The following DZANK1 variants were observed in gnomAD, a reference collection of about 807,000 sequenced individuals.
DZANK1 encodes the protein double zinc ribbon and ankyrin repeat-containing protein 1.
DZANK1 carries 91 observed loss-of-function variants against 94.5 expected under a neutral mutation model. The ratio of observed to expected loss-of-function variants is 0.96; its 90% CI spans 0.81 to 1.15. DZANK1 has a LOEUF of 1.15. Among genes scored for constraint, DZANK1 ranks in the 50% most tolerant of loss-of-function variants. The pLI is 0.00. For synonymous variants in DZANK1, 312 were observed against 325.3 expected (o/e 0.96, Z 0.44); for missense variants, 903 against 916.4 (o/e 0.99, Z 0.19).
rs2058389539 is a variant in DZANK1, at chr20:18,433,819, T to C, written c.748-54A>G. The C allele has an allele frequency of 4.1e-6, 6 of 1,466,346 alleles. No homozygotes were observed. In the Admixed American group the frequency reaches 5.2e-5, roughly 13 times the overall value. The allele number at this position is 1,466,346 out of a possible 1,614,324, so 90.8% of individuals were successfully genotyped here. A position where few individuals can be genotyped will look rare whatever the true frequency, so the allele number is the denominator to read the frequency against. On this transcript the variant is annotated intron_variant, in intron 8 of 20. Transcript: ENST00000262547. Reference sequence around the variant, plus strand: ...TGCACATAAAAACTGAAGGTATGAATAGATCTTAGAATGTAAGGTTTGGTC... The same window carrying C: ...TGCACATAAAAACTGAAGGTATGAACAGATCTTAGAATGTAAGGTTTGGTC...
intron 6 of DZANK1, 145 bp from the exon 7 acceptor site, chr20:18,449,214 CTA>C: frequency 1.5e-6 from 1 of 672,860 alleles, no homozygotes; most frequent in South Asian, 2.0e-5. Flanking sequence ...ACTATAGACT[CTA>C]AAAGTGGGAA....
exon 21 of DZANK1, chr20:18,384,231 G>C (rs1203639591): frequency 1.7e-6 from 1 of 605,172 alleles, no homozygotes; most frequent in Non-Finnish European, 2.7e-6. Context: ...GACTAATTTT[G>C]TATTTTTAGT....
intron 7 of DZANK1, among the ~76,000 whole-genome samples, chr20:18,445,962 G>C (rs981150739): frequency 2.0e-5 from 3 of 150,562 alleles, no homozygotes; most frequent in Admixed American, 1.3e-4. Context: ...ACGGGGTTTT[G>C]CCATGTTGGC....
At chr20:18,390,430 G>A (rs938455194) in exon 18 of DZANK1, 8 of 1,613,878 alleles carry the variant, frequency 5.0e-6, no homozygotes, top group Middle Eastern at 1.6e-4. Flanking sequence ...CCGTGGGTCC[G>A]ACTTCCTTCA....
chr20:18,412,951 T>C, intron 12 of DZANK1, 98 bp from the exon 13 acceptor site: 2 of 1,155,756 alleles, frequency 1.7e-6, no homozygotes, highest in Non-Finnish European at 1.2e-6. Context: ...ATAAAAAGTA[T>C]CTCAAGAAAA....
chr20:18,421,107 A>C (rs1455568968), intron 10 of DZANK1: 1 of 155,850 alleles, frequency 6.4e-6, no homozygotes, highest in Non-Finnish European at 1.4e-5. Context: ...CTTCCTTCTT[A>C]AGGGGTTCTA....
chr20:18,414,812 G>A (rs1437110821), intron 11 of DZANK1, among the ~76,000 whole-genome samples: 1 of 152,190 alleles, frequency 6.6e-6, no homozygotes, highest in Admixed American at 6.5e-5. Context: ...AAAGAATGAG[G>A]AGGTTACTAA....
intron 11 of DZANK1, 80 bp downstream of exon 11, chr20:18,415,247 G>T: frequency 7.6e-7 from 1 of 1,315,358 alleles, no homozygotes; most frequent in Non-Finnish European, 9.8e-7. Context: ...TTTCTGCAAG[G>T]CCATGGAAGA....
chr20:18,453,405 A>G (rs999775707), intron 5 of DZANK1, among the ~76,000 whole-genome samples: 1 of 152,122 alleles, frequency 6.6e-6, no homozygotes, highest in Non-Finnish European at 1.5e-5. Flanking sequence ...TGAGACTATC[A>G]AAACTCTGCT....
chr20:18,396,768 T>C (rs1453345290), intron 14 of DZANK1, among the ~76,000 whole-genome samples: 1 of 152,208 alleles, frequency 6.6e-6, no homozygotes, highest in Non-Finnish European at 1.5e-5. Context: ...ATCTAAACTC[T>C]ACTAATTATA....
chr20:18,422,121 C>T (rs1260435290), intron 10 of DZANK1, among the ~76,000 whole-genome samples: 7 of 151,784 alleles, frequency 4.6e-5, no homozygotes, highest in South Asian at 2.1e-4. Flanking sequence ...GGGTCATATC[C>T]GAAAAAAATC....
chr20:18,464,185 T>C (rs948593429), intron 2 of DZANK1, among the ~76,000 whole-genome samples: 1 of 152,074 alleles, frequency 6.6e-6, no homozygotes, highest in African/African-American at 2.4e-5. Flanking sequence ...GCAATTCTCC[T>C]GCCTCAGCCT....
chr20:18,428,824 C>T (rs930727620), intron 9 of DZANK1: 21 of 152,158 alleles, frequency 1.4e-4, no homozygotes, highest in Non-Finnish European at 3.1e-4. Flanking sequence ...CACCAGGTAG[C>T]TCTATGGAGT....
chr20:18,392,643 T>A (rs73902454), intron 17 of DZANK1, among the ~76,000 whole-genome samples: 104 of 152,332 alleles, frequency 6.8e-4, no homozygotes, highest in African/African-American at 2.4e-3. Context: ...TCTCCAAAGC[T>A]CCTTTTAGAA....
At chr20:18,443,062 A>G (rs2058760772) in intron 8 of DZANK1, among the ~76,000 whole-genome samples, 1 of 152,222 alleles carries the variant, frequency 6.6e-6, no homozygotes, top group Admixed American at 6.5e-5. Flanking sequence ...ATATGAGCAG[A>G]GCTATCAAAT....
rs73902464 is a variant in DZANK1, at chr20:18,420,244, C to T, written c.955-4795G>A. On this transcript the variant is annotated intron_variant, in intron 10 of 20. Coordinates refer to ENST00000262547, the Ensembl canonical transcript of DZANK1. Reference sequence around the variant, plus strand: ...CAAGGAGGTCAACATCCATGTCAAACGTATAAGCTTGCACCCATAGGTGTT... The same window carrying T: ...CAAGGAGGTCAACATCCATGTCAAATGTATAAGCTTGCACCCATAGGTGTT... 679 of 200,076 alleles carry T rather than the reference C, an allele frequency of 3.4e-3. 7 individuals carry two copies. Among genetic ancestry groups the T allele is most frequent in the African/African-American group, 0.015 (652 of 42,974 alleles). The allele number at this position is 200,076 out of a possible 1,614,324, so 12.4% of individuals were successfully genotyped here. A position where few individuals can be genotyped will look rare whatever the true frequency, so the allele number is the denominator to read the frequency against.
intron 10 of DZANK1, among the ~76,000 whole-genome samples, chr20:18,422,096 T>A (rs2057807634): frequency 6.6e-6 from 1 of 152,226 alleles, no homozygotes; most frequent in South Asian, 2.1e-4. Flanking sequence ...TTTGCTTTTG[T>A]TGCCGGTGCT....
Position 18,389,779 on chromosome 20 carries a change from A to C in DZANK1, c.1940T>G (p.Val647Gly), listed in dbSNP as rs1289270970. 3.1e-6 allele frequency: 5 copies of C among 1,613,902 alleles called. No homozygotes were observed. The African/African-American group carries it at 4.0e-5, about 13-fold the overall frequency. ...TTCATGGTGCTTATTCATAACAGCC[A>C]CGGTTATGACGGGTCGATTGTCTTC... The change falls in exon 19 of 21, where the codon GTG becomes GGG. Residue 647 changes from valine to glycine, a missense_variant. Val to Gly is a moderately radical substitution (Grantham distance 109). Coordinates refer to ENST00000262547, the Ensembl canonical transcript of DZANK1.
intron 13 of DZANK1, among the ~76,000 whole-genome samples, chr20:18,402,686 C>T (rs902564926): frequency 6.6e-6 from 1 of 152,196 alleles, no homozygotes; most frequent in African/African-American, 2.4e-5. Context: ...TTCGTTCCTG[C>T]TCTAAAACTT....
Sources: allele counts gnomAD v4.1 joint callset (sites outside exome capture counted in the v4.1 genomes callset), GRCh38; gene constraint gnomAD v4.1.1; transcripts MANE v1.5; gene names NCBI Gene and HGNC (gene_info 2026-07-23, HGNC 2026-07-21).